Variants in GNAT3 observed in about 807,000 individuals in gnomAD.
The protein encoded by GNAT3 is G protein subunit alpha transducin 3.
A neutral mutation model predicts 37.7 loss-of-function variants in GNAT3; 31 were observed. That is an observed-to-expected ratio of 0.82 (90% confidence interval 0.62 to 1.11). The LOEUF (loss-of-function observed/expected upper bound fraction) is 1.11. GNAT3 is among the 50% of genes most tolerant of loss of function. The pLI is 0.00. For missense variants in GNAT3, 437 were observed against 412.5 expected, an observed-to-expected ratio of 1.06 and a Z score of -0.51; for synonymous variants, 138 against 139.8, an observed-to-expected ratio of 0.99 and a Z score of 0.09.
At chr7:80,503,875 G>A (rs1263200514) in intron 1 of GNAT3, among the ~76,000 whole-genome samples, 4 of 152,178 alleles carry the variant, frequency 2.6e-5, no homozygotes, top group African/African-American at 9.7e-5. Context: ...TCAAAAGAGA[G>A]TATAAGAGAG....
intron 1 of GNAT3, among the ~76,000 whole-genome samples, chr7:80,509,008 C>G (rs1292246403): frequency 1.3e-5 from 2 of 151,980 alleles, no homozygotes; most frequent in African/African-American, 2.4e-5. Flanking sequence ...GTGACATGTA[C>G]TCACTGATAA....
intron 7 of GNAT3, among the ~76,000 whole-genome samples, chr7:80,459,131 C>G (rs928445668): frequency 1.3e-5 from 2 of 151,876 alleles, no homozygotes; most frequent in African/African-American, 4.8e-5. Context: ...TACAAACTTA[C>G]GTATACATCA....
chr7:80,470,403 G>A (rs1201294000), intron 5 of GNAT3, among the ~76,000 whole-genome samples: 1 of 152,042 alleles, frequency 6.6e-6, no homozygotes, highest in Non-Finnish European at 1.5e-5. Context: ...TGTATTTTTA[G>A]TAGAGACGGG....
At chr7:80,500,913 G>T (rs1384336684) in intron 1 of GNAT3, among the ~76,000 whole-genome samples, 5 of 149,810 alleles carry the variant, frequency 3.3e-5, no homozygotes, top group South Asian at 2.1e-4. Flanking sequence ...TTCTCTTTTT[G>T]CATTTTATGT....
At chr7:80,505,740 A>G (rs1790926557) in intron 1 of GNAT3, among the ~76,000 whole-genome samples, 1 of 152,196 alleles carries the variant, frequency 6.6e-6, no homozygotes, top group Admixed American at 6.5e-5. Flanking sequence ...ATACTGAGAC[A>G]GGAATCAAAC....
intron 1 of GNAT3, 24 bp downstream of exon 1, chr7:80,511,785 A>G (rs1175795803): frequency 2.0e-6 from 3 of 1,502,180 alleles, no homozygotes; most frequent in African/African-American, 2.7e-5. Flanking sequence ...CAGGTTTTTG[A>G]AAGCAAAAGG....
chr7:80,501,774 G>T (rs1038865436), intron 1 of GNAT3, among the ~76,000 whole-genome samples: 2 of 151,776 alleles, frequency 1.3e-5, no homozygotes, highest in Non-Finnish European at 2.9e-5. Context: ...TATTTTAGAT[G>T]AATATTGTAT....
At position 80,464,455 on chromosome 7, in the gene GNAT3, T is replaced by C. The variant is rs190309368; in HGVS notation, c.591-1824A>G. 4.6e-5 allele frequency among the ~76,000 whole-genome samples: 7 copies of C among 152,262 alleles called. No individual in the cohort carries two copies. The East Asian group carries it at 1.4e-3, about 29-fold the overall frequency. Reference sequence around the variant, plus strand: ...CAGTGGATTTACTGGTCCTTTCATGTTACATGAGAAATGTAGATTTCATAT... The same window carrying C: ...CAGTGGATTTACTGGTCCTTTCATGCTACATGAGAAATGTAGATTTCATAT... On this transcript the variant is annotated intron_variant, in intron 5 of 7. Transcript: ENST00000398291.
At chr7:80,463,847 A>C (rs1276613234) in intron 5 of GNAT3, among the ~76,000 whole-genome samples, 2 of 150,170 alleles carry the variant, frequency 1.3e-5, no homozygotes, top group African/African-American at 4.9e-5. Flanking sequence ...GATAACTTAC[A>C]CATGTTTTCT....
intron 4 of GNAT3, among the ~76,000 whole-genome samples, chr7:80,477,316 C>T (rs1403686822): frequency 1.3e-5 from 2 of 152,114 alleles, no homozygotes; most frequent in Non-Finnish European, 2.9e-5. Flanking sequence ...CACAATTCAG[C>T]TTCTTACTCA....
intron 1 of GNAT3, among the ~76,000 whole-genome samples, chr7:80,505,978 C>T (rs993838450): frequency 2.0e-5 from 3 of 152,144 alleles, no homozygotes; most frequent in Non-Finnish European, 2.9e-5. Context: ...GGATTCTGAA[C>T]TTGGGTCTAA....
At chr7:80,509,202 C>T (rs957776784) in intron 1 of GNAT3, among the ~76,000 whole-genome samples, 10 of 151,880 alleles carry the variant, frequency 6.6e-5, no homozygotes, top group African/African-American at 9.7e-5. Context: ...ATTACAGTTT[C>T]GAGAATTTGA....
At chr7:80,464,993 T>G (rs1790109309) in intron 5 of GNAT3, among the ~76,000 whole-genome samples, 2 of 152,088 alleles carry the variant, frequency 1.3e-5, no homozygotes, top group Admixed American at 6.6e-5. Flanking sequence ...AGTTTCAGGC[T>G]TGCAAAATAA....
intron 1 of GNAT3, among the ~76,000 whole-genome samples, chr7:80,496,547 G>A (rs947838666): frequency 6.6e-6 from 1 of 152,016 alleles, no homozygotes; most frequent in African/African-American, 2.4e-5. Context: ...ACATGCTTAG[G>A]AATAATTCAT....
chr7:80,511,149 G>T (rs769926789), intron 1 of GNAT3, among the ~76,000 whole-genome samples: 8 of 151,672 alleles, frequency 5.3e-5, no homozygotes, highest in African/African-American at 1.9e-4. Context: ...TATAGTCAAG[G>T]TAAAACAGTG....
rs139979037 is a variant in GNAT3 at position 80,494,982 on chromosome 7, G to A, written c.119-335C>T. On this transcript the variant is annotated intron_variant, in intron 1 of 7. Coordinates refer to ENST00000398291, the MANE Select transcript of GNAT3 (RefSeq NM_001102386.3). ...CTCCCACTTATAAGTGAGAACATACGGTATTTGACTTTCTGTTTCTGAATT... is the reference window on the plus strand; with the variant it reads ...CTCCCACTTATAAGTGAGAACATACAGTATTTGACTTTCTGTTTCTGAATT... Among the ~76,000 whole-genome samples, 596 of 152,092 alleles carry A rather than the reference G, an allele frequency of 3.9e-3. 5 individuals carry two copies. The highest frequency in any genetic ancestry group is 0.014 in the African/African-American group (562 of 41,490).
intron 5 of GNAT3, among the ~76,000 whole-genome samples, chr7:80,471,183 G>A (rs1790210608): frequency 6.7e-6 from 1 of 150,320 alleles, no homozygotes; most frequent in Admixed American, 6.6e-5. Flanking sequence ...GGCTAGGCCA[G>A]TCTGTCTTTT....
chr7:80,458,792 T>TC lies in GNAT3; in HGVS notation c.943dup (p.Glu315GlyfsTer3). 6.3e-7 allele frequency: 1 copy of TC among 1,597,000 alleles called. No individual in the cohort carries two copies. Among genetic ancestry groups the TC allele is most frequent in the Middle Eastern group, 1.7e-4 (1 of 6,034 alleles). ...CATGTGGGAATAAATTTCCTTATCT[T>TC]CTTTTTTTAAATTCAGGTCTAGAAA... is the stretch of plus-strand genomic sequence containing the variant. On this transcript the variant is annotated frameshift_variant, in exon 8 of 8. Transcript: ENST00000398291. LOFTEE classifies it low-confidence loss of function (END_TRUNC).
At chr7:80,473,914 T>A (rs966623197) in intron 5 of GNAT3, among the ~76,000 whole-genome samples, 3 of 152,212 alleles carry the variant, frequency 2.0e-5, no homozygotes, top group Admixed American at 2.0e-4. Flanking sequence ...GAAATAGGAT[T>A]CCTGGCACCC....
Sources: gnomAD v4.1 joint callset for allele counts (sites outside exome capture counted in the v4.1 genomes callset) on GRCh38, gnomAD v4.1.1 for gene constraint, MANE v1.5 for transcripts, NCBI Gene and HGNC (gene_info 2026-07-23, HGNC 2026-07-21) for gene names.